SORCS1: variants seen among roughly 807,000 people sequenced by gnomAD.
SORCS1 encodes the protein VPS10 domain-containing receptor SorCS1.
SORCS1 carries 60 observed loss-of-function variants against 146.1 expected under a neutral mutation model. The observed-to-expected ratio is 0.41, with a 90% CI of 0.33 to 0.51. SORCS1 has a LOEUF of 0.51. Ranked by LOEUF, SORCS1 falls within the 20% of genes least tolerant of loss-of-function variation. SORCS1 has a pLI of 0.21. For missense variants in SORCS1, 1,352 were observed against 1,487.6 expected, an observed-to-expected ratio of 0.91 and a Z score of 1.50; for synonymous variants, 637 against 584.0, an observed-to-expected ratio of 1.09 and a Z score of -1.31.
chr10:106,801,594 T>C (rs1298441203), intron 3 of SORCS1, among the ~76,000 whole-genome samples: 1 of 148,382 alleles, frequency 6.7e-6, no homozygotes. Context: ...AGTGGTGGGA[T>C]CTCGGCTCAC....
intron 17 of SORCS1, among the ~76,000 whole-genome samples, chr10:106,660,595 A>AT (rs1408137384): frequency 6.6e-6 from 1 of 152,178 alleles, no homozygotes; most frequent in African/African-American, 2.4e-5. Flanking sequence ...CCCACTGTAT[A>AT]TTTGTAAATA....
intron 1 of SORCS1, among the ~76,000 whole-genome samples, chr10:107,047,810 T>C (rs1415819528): frequency 6.6e-6 from 1 of 152,022 alleles, no homozygotes; most frequent in Non-Finnish European, 1.5e-5. Context: ...GCCGGGTGCG[T>C]TGGCTCACAC....
chr10:106,706,587 A>G lies in SORCS1; in HGVS notation c.1191T>C (p.Asn397=). Reference sequence around the variant, plus strand: ...TCGGAAGCTTCATTTGGGCAAATGCATTCCTTCGGTAGGACACGTAGTAAT... The same window carrying G: ...TCGGAAGCTTCATTTGGGCAAATGCGTTCCTTCGGTAGGACACGTAGTAAT... ...RPHYYVSYRR[N]AFAQMKLPKY... The change falls in exon 8 of 26, where the codon AAT becomes AAC. Residue 397 remains asparagine, a synonymous_variant. Transcript: ENST00000263054. 3.1e-6 allele frequency: 5 copies of G among 1,614,204 alleles called. No individual in the cohort carries two copies. Among genetic ancestry groups the G allele is most frequent in the South Asian group, 1.1e-5 (1 of 91,090 alleles).
At chr10:106,675,755 A>G (rs821932) in intron 13 of SORCS1, among the ~76,000 whole-genome samples, 135,212 of 152,148 alleles carry the variant, frequency 0.89, 60,617 homozygotes, top group Non-Finnish European at 0.96. Flanking sequence ...AATCGCCAAT[A>G]TGATGATTTT....
chr10:107,080,210 C>G (rs1963220848), intron 1 of SORCS1, among the ~76,000 whole-genome samples: 1 of 152,172 alleles, frequency 6.6e-6, no homozygotes, highest in Admixed American at 6.5e-5. Context: ...ACCTCCAGTG[C>G]TTTGAGTGGC....
At position 106,629,190 on chromosome 10, in the gene SORCS1, G is replaced by GT; in HGVS notation, c.2662+11dup. 6.2e-7 allele frequency: 1 copy of GT among 1,607,318 alleles called. No homozygotes were observed. The highest frequency in any genetic ancestry group is 8.5e-7 in the Non-Finnish European group (1 of 1,174,756). ...TAAGATAGGTCATAAACCAACAACA[G>GT]TAATAACATACAAGTTACATGTAAG... On this transcript the variant is annotated intron_variant, in intron 19 of 25. Transcript: ENST00000263054.
At position 106,806,075 on chromosome 10, in the gene SORCS1, A is replaced by AAAAG. The variant is rs1327523560; in HGVS notation, c.726+23498_726+23499insCTTT. ...ACTCCGTCTCAAAAAAAAAAAAAAG[A>AAAAG]AATCATGGAGTAGGCCGGGCACGGT... On this transcript the variant is annotated intron_variant, in intron 3 of 25. Transcript: ENST00000263054. 5.2e-4 allele frequency among the ~76,000 whole-genome samples: 64 copies of AAAAG among 122,412 alleles called. 1 individual carries two copies. The highest frequency in any genetic ancestry group is 2.3e-3 in the African/African-American group (62 of 27,528). The allele number at this position is 122,412 out of a possible 152,430, so 80.3% of individuals were successfully genotyped here. A position where few individuals can be genotyped will look rare whatever the true frequency, so the allele number is the denominator to read the frequency against.
At chr10:106,668,109 G>T (rs1233648108) in intron 16 of SORCS1, among the ~76,000 whole-genome samples, 1 of 152,162 alleles carries the variant, frequency 6.6e-6, no homozygotes, top group Non-Finnish European at 1.5e-5. Flanking sequence ...ACAGGTGGCT[G>T]GGCCCAGAGA....
chr10:106,678,062 A>G (rs1027276046), intron 12 of SORCS1, among the ~76,000 whole-genome samples: 3 of 152,216 alleles, frequency 2.0e-5, no homozygotes, highest in African/African-American at 7.2e-5. Context: ...TGGAGACACA[A>G]TGGAAACAAT....
intron 2 of SORCS1, among the ~76,000 whole-genome samples, chr10:106,866,669 C>T (rs549831441): frequency 3.5e-4 from 53 of 152,266 alleles, no homozygotes; most frequent in African/African-American, 1.2e-3. Flanking sequence ...GCCACACAAC[C>T]GAGCAAGGAT....
At chr10:106,706,212 A>G (rs529776898) in intron 8 of SORCS1, among the ~76,000 whole-genome samples, 1 of 151,152 alleles carries the variant, frequency 6.6e-6, no homozygotes, top group East Asian at 1.9e-4. Flanking sequence ...GAAAGAAAAA[A>G]GAAAGAAAGA....
At chr10:107,110,385 T>C (rs1293670163) in intron 1 of SORCS1, among the ~76,000 whole-genome samples, 2 of 152,130 alleles carry the variant, frequency 1.3e-5, no homozygotes, top group Non-Finnish European at 2.9e-5. Flanking sequence ...TAATAGAAAG[T>C]ATGGTGCAGG....
Position 106,577,233 on chromosome 10 carries a change from ATAGG to A in SORCS1, c.*183_*186del, listed in dbSNP as rs769650920. 1.3e-6 allele frequency: 2 copies of A among 1,590,248 alleles called. No homozygotes were observed. The highest frequency in any genetic ancestry group is 2.3e-5 in the East Asian group (1 of 43,100). On this transcript the variant is annotated 3_prime_UTR_variant, in exon 26 of 26. Coordinates refer to ENST00000263054, the MANE Select transcript of SORCS1 (RefSeq NM_052918.5). ...TGGCGTCCTCCATTCAAACATTTAC[ATAGG>A]TAGGGATTTCTTTTGTGCTTTGATT...
intron 6 of SORCS1, among the ~76,000 whole-genome samples, chr10:106,729,808 G>A (rs3850680): frequency 0.44 from 66,174 of 151,836 alleles, 14,481 homozygotes; most frequent in African/African-American, 0.46. Context: ...TAAATCACAC[G>A]ATTATTGCCA....
At chr10:106,946,519 C>T (rs1028110747) in intron 2 of SORCS1, among the ~76,000 whole-genome samples, 2 of 152,208 alleles carry the variant, frequency 1.3e-5, no homozygotes, top group Admixed American at 6.5e-5. Flanking sequence ...CAAACTCTCT[C>T]GCCTGTTGCC....
At chr10:106,843,885 G>A (rs2137175292) in intron 2 of SORCS1, among the ~76,000 whole-genome samples, 1 of 152,322 alleles carries the variant, frequency 6.6e-6, no homozygotes, top group Admixed American at 6.5e-5. Flanking sequence ...GCTATCTCAA[G>A]ATAGTGATTT....
intron 1 of SORCS1, among the ~76,000 whole-genome samples, chr10:106,970,928 T>TTC (rs398014737): frequency 3.6e-4 from 44 of 121,152 alleles, no homozygotes; most frequent in East Asian, 1.4e-3. Flanking sequence ...TTTTTTTTTT[T>TTC]CAGTAGAGAT....
At chr10:106,770,075 A>G (rs186235596) in intron 4 of SORCS1, among the ~76,000 whole-genome samples, 69 of 152,316 alleles carry the variant, frequency 4.5e-4, no homozygotes, top group Non-Finnish European at 8.2e-4. Flanking sequence ...CCTGGGCAAG[A>G]CAGTAAGACT....
chr10:107,015,293 G>A (rs1957852408), intron 1 of SORCS1, among the ~76,000 whole-genome samples: 1 of 152,178 alleles, frequency 6.6e-6, no homozygotes, highest in Non-Finnish European at 1.5e-5. Context: ...GCCTTACTCA[G>A]TAAGTACATT....
Sources: allele counts gnomAD v4.1 joint callset (sites outside exome capture counted in the v4.1 genomes callset), GRCh38; gene constraint gnomAD v4.1.1; transcripts MANE v1.5; gene names NCBI Gene and HGNC (gene_info 2026-07-23, HGNC 2026-07-21).